Variants in CPLX3 observed in about 807,000 individuals in gnomAD.
The protein encoded by CPLX3 is complexin 3.
A neutral mutation model predicts 17.2 loss-of-function variants in CPLX3; 12 were observed. The observed-to-expected ratio is 0.70, with a 90% CI of 0.45 to 1.13. The LOEUF (loss-of-function observed/expected upper bound fraction) is 1.13, where lower values mean the gene tolerates loss of function less well. CPLX3 is among the 50% of genes most tolerant of loss of function. The probability of loss-of-function intolerance (pLI) is 0.00; values close to 1 mark genes in which losing one functional copy is unlikely to be tolerated. For synonymous variants in CPLX3, 75 were observed against 79.4 expected (o/e 0.94, Z 0.29); for missense variants, 172 against 203.2 (o/e 0.85, Z 0.93).
rs1248614581 is a variant in CPLX3 at position 74,830,456 on chromosome 15, C to T, written c.*102C>T. The stretch of plus-strand genomic sequence containing the variant: ...CCATTTGGGGCTTTGTTTCCCTTGC[C>T]CCATCCTAGTTCCAAGACCTTTCCC... On this transcript the variant is annotated 3_prime_UTR_variant, in exon 3 of 3. Coordinates refer to ENST00000395018, the MANE Select transcript of CPLX3 (RefSeq NM_001030005.3). The T allele has an allele frequency of 1.1e-4, 111 of 970,914 alleles. 1 individual carries two copies. Among genetic ancestry groups the T allele is most frequent in the Non-Finnish European group, 4.7e-6 (3 of 643,580 alleles). 60.1% of individuals were successfully genotyped at this position (970,914 alleles called of 1,614,324 possible).
rs1049344660 is a variant in CPLX3 at position 74,828,075 on chromosome 15, G to A, written c.206G>A (p.Arg69Gln). The change falls in exon 2 of 3, where the codon CGG becomes CAG. Residue 69 changes from arginine to glutamine, a missense_variant. Transcript: ENST00000395018. ...CAGTTCACACAGAGGAAGGCAGAGC[G>A]GGCCACACTGCGGAGCCACTTCCGA... The part of the protein sequence containing the change: ...DAQFTQRKAE[R>Q]ATLRSHFRDK... The A allele has an allele frequency of 5.6e-6, 9 of 1,607,386 alleles. No individual in the cohort carries two copies. The highest frequency in any genetic ancestry group is 2.7e-5 in the African/African-American group (2 of 74,778).
At position 74,830,965 on chromosome 15, in the gene CPLX3, A is replaced by G. The variant is rs2141121767; in HGVS notation, c.*611A>G. The G allele has an allele frequency of 6.5e-6, 1 of 152,898 alleles. No homozygotes were observed. The highest frequency in any genetic ancestry group is 1.9e-4 in the East Asian group (1 of 5,190). The allele number at this position is 152,898 out of a possible 1,614,324, so 9.5% of individuals were successfully genotyped here. On this transcript the variant is annotated 3_prime_UTR_variant, in exon 3 of 3. Transcript: ENST00000395018. ...AAGGCTCTTTCTGGCTTGAACTGTCAGAGCCAAGCCCACATCCCTCCTTGG... is the reference window on the plus strand; with the variant it reads ...AAGGCTCTTTCTGGCTTGAACTGTCGGAGCCAAGCCCACATCCCTCCTTGG...
At chr15:74,827,589 A>G (rs1363393064) in intron 1 of CPLX3, among the ~76,000 whole-genome samples, 2 of 152,226 alleles carry the variant, frequency 1.3e-5, no homozygotes, top group Non-Finnish European at 2.9e-5. Flanking sequence ...TCCTGATAAC[A>G]GTTTTGTGAG....
chr15:74,830,234 G>C lies in CPLX3; in HGVS notation c.357G>C (p.Lys119Asn), dbSNP rs749179855. 1 of 1,613,936 alleles carries C rather than the reference G, an allele frequency of 6.2e-7. No individual in the cohort carries two copies. The highest frequency in any genetic ancestry group is 1.3e-5 in the African/African-American group (1 of 75,018). The change falls in exon 3 of 3, where the codon AAG becomes AAC. Residue 119 changes from lysine (K) to asparagine (N), a missense_variant. Transcript: ENST00000395018. ...IEEDTEEEEE[K>N]ASVLGQLASL... is the part of the protein sequence containing the mutation. ...AGGACACAGAGGAGGAGGAGGAGAA[G>C]GCCTCAGTCCTTGGGCAGCTGGCCA... is the stretch of plus-strand genomic sequence containing the variant.
At position 74,829,987 on chromosome 15, in the gene CPLX3, C is replaced by T. The variant is rs1440391913; in HGVS notation, c.253-143C>T. 31 of 639,438 alleles carry T rather than the reference C, an allele frequency of 4.8e-5. No individual in the cohort carries two copies. The Admixed American group carries it at 7.5e-4, about 15-fold the overall frequency. The allele number at this position is 639,438 out of a possible 1,614,324, so 39.6% of individuals were successfully genotyped here. A position where few individuals can be genotyped will look rare whatever the true frequency, so the allele number is the denominator to read the frequency against. ...GACCAGCGTGGGCAACATAGGGAGACCTCGTCTCTACAAAAAAAAAAAAAA... is the reference window on the plus strand; with the variant it reads ...GACCAGCGTGGGCAACATAGGGAGATCTCGTCTCTACAAAAAAAAAAAAAA... On this transcript the variant is annotated intron_variant, in intron 2 of 2. Coordinates refer to ENST00000395018, the MANE Select transcript of CPLX3 (RefSeq NM_001030005.3).
intron 2 of CPLX3, 63 bp downstream of exon 2, chr15:74,828,184 G>A (rs1021479900): frequency 1.3e-5 from 18 of 1,350,606 alleles, no homozygotes; most frequent in African/African-American, 1.4e-5. Flanking sequence ...GGACTCCTTC[G>A]CCCCATTCTG....
rs1482049781 is a variant in CPLX3 at position 74,828,104 on chromosome 15, A to C, written c.235A>C (p.Lys79Gln). The C allele has an allele frequency of 2.5e-6, 4 of 1,598,022 alleles. No homozygotes were observed. Among genetic ancestry groups the C allele is most frequent in the Non-Finnish European group, 3.4e-6 (4 of 1,171,664 alleles). Reference protein sequence around the residue: ...RATLRSHFRDKYRLPKNETDE... With the variant: ...RATLRSHFRDQYRLPKNETDE... ...CACACTGCGGAGCCACTTCCGAGAC[A>C]AATACCGGCTACCCAAGGTAAGCTG... The change falls in exon 2 of 3, where the codon AAA becomes CAA. Residue 79 changes from lysine (K) to glutamine (Q), a missense_variant. Physicochemically the swap from Lys to Gln is moderately conservative, Grantham distance 53. Transcript: ENST00000395018.
rs2063962739 is a variant in CPLX3 at position 74,830,262 on chromosome 15, C to A, written c.385C>A (p.Leu129Ile). The change falls in exon 3 of 3, where the codon CTT becomes ATT. Residue 129 changes from leucine to isoleucine, a missense_variant. Transcript: ENST00000395018. The part of the protein sequence containing the change: ...KASVLGQLAS[L>I]PGLNLGSLKD... ...CTCAGTCCTTGGGCAGCTGGCCAGC[C>A]TTCCTGGCTTGAACCTGGGCTCACT... 2 of 1,614,002 alleles carry A rather than the reference C, an allele frequency of 1.2e-6. No homozygotes were observed. Among genetic ancestry groups the A allele is most frequent in the Non-Finnish European group, 1.7e-6 (2 of 1,180,042 alleles).
At chr15:74,827,086 G>A (rs541914407) in intron 1 of CPLX3, among the ~76,000 whole-genome samples, 44 of 152,292 alleles carry the variant, frequency 2.9e-4, no homozygotes, top group African/African-American at 9.4e-4. Flanking sequence ...GGGAGTGGGG[G>A]GAGGGGCGAC....
rs981696384 is a variant in CPLX3 at position 74,831,286 on chromosome 15, C to T, written c.*932C>T. ...TCCAGGAGTCTTGGAGTTCATAGCC[C>T]CCCGAGCCTGCCTTAAAGGGGTGTC... On this transcript the variant is annotated 3_prime_UTR_variant, in exon 3 of 3. Transcript: ENST00000395018. The T allele has an allele frequency of 6.6e-6, 1 of 152,302 alleles. No homozygotes were observed. The highest frequency in any genetic ancestry group is 1.5e-5 in the Non-Finnish European group (1 of 68,128). The allele number at this position is 152,302 out of a possible 1,614,324, so 9.4% of individuals were successfully genotyped here.
Position 74,828,017 on chromosome 15 carries a change from C to T in CPLX3, c.165-17C>T, listed in dbSNP as rs2063951201. On this transcript the variant is annotated splice_polypyrimidine_tract_variant and intron_variant, in intron 1 of 2. Coordinates refer to ENST00000395018, the MANE Select transcript of CPLX3 (RefSeq NM_001030005.3). ...CTCTCAGCCCTCGTGGTGACTCTGC[C>T]TCCGGTGACCCTGCAGGATGGAGCG... 6.3e-7 allele frequency: 1 copy of T among 1,591,368 alleles called. No individual in the cohort carries two copies. The highest frequency in any genetic ancestry group is 1.3e-5 in the African/African-American group (1 of 74,478).
Position 74,826,792 on chromosome 15 carries a change from A to G in CPLX3, c.89A>G (p.Asp30Gly). ...GGCGGCGAGGATAAGGGAGATGGGG[A>G]CAAGTCGGCAGCCGAAGCTCAGGGC... Reference protein sequence around the residue: ...LGGGEDKGDGDKSAAEAQGMS... With the variant: ...LGGGEDKGDGGKSAAEAQGMS... The change falls in exon 1 of 3, where the codon GAC becomes GGC. Residue 30 changes from aspartate to glycine, a missense_variant. Transcript: ENST00000395018. The surrounding 1 kb of genome is among the most constrained non-coding windows in gnomAD (Gnocchi z 5.0). 1 of 1,605,478 alleles carries G rather than the reference A, an allele frequency of 6.2e-7. No homozygotes were observed. The highest frequency in any genetic ancestry group is 8.5e-7 in the Non-Finnish European group (1 of 1,175,940).
rs2063967994 is a variant in CPLX3 at position 74,831,281 on chromosome 15, TA to T, written c.*928del. ...TGGCTTCCAGGAGTCTTGGAGTTCA[TA>T]GCCCCCCGAGCCTGCCTTAAAGGGG... On this transcript the variant is annotated 3_prime_UTR_variant, in exon 3 of 3. Coordinates refer to ENST00000395018, the MANE Select transcript of CPLX3 (RefSeq NM_001030005.3). 6.6e-6 allele frequency: 1 copy of T among 152,256 alleles called. No homozygotes were observed. Among genetic ancestry groups the T allele is most frequent in the Admixed American group, 6.5e-5 (1 of 15,282 alleles). The allele number at this position is 152,256 out of a possible 1,614,324, so 9.4% of individuals were successfully genotyped here. A position where few individuals can be genotyped will look rare whatever the true frequency, so the allele number is the denominator to read the frequency against.
Position 74,830,648 on chromosome 15 carries a change from C to A in CPLX3, c.*294C>A. The A allele has an allele frequency of 2.7e-6, 1 of 369,042 alleles. No individual in the cohort carries two copies. The allele number at this position is 369,042 out of a possible 1,614,324, so 22.9% of individuals were successfully genotyped here. A position where few individuals can be genotyped will look rare whatever the true frequency, so the allele number is the denominator to read the frequency against. On this transcript the variant is annotated 3_prime_UTR_variant, in exon 3 of 3. Transcript: ENST00000395018. ...CTGGCCATGGCCCCAAGTTCCTGCA[C>A]ACAGGAGCACCCACAGAGAGACACA...
chr15:74,828,835 T>C (rs1444860014), intron 2 of CPLX3, among the ~76,000 whole-genome samples: 1 of 151,912 alleles, frequency 6.6e-6, no homozygotes, highest in East Asian at 1.9e-4. Flanking sequence ...AGAGTATATC[T>C]CAGGAGATCC....
chr15:74,827,967 C>G, intron 1 of CPLX3, 67 bp from the exon 2 acceptor site: 1 of 1,329,058 alleles, frequency 7.5e-7, no homozygotes, highest in Admixed American at 2.0e-5. Context: ...CCTTCTGTCC[C>G]TCCCTCGAAG....
At position 74,826,847 on chromosome 15, in the gene CPLX3, G is replaced by A. The variant is rs199532260; in HGVS notation, c.144G>A (p.Gln48=). The A allele has an allele frequency of 4.7e-5, 76 of 1,601,380 alleles. No homozygotes were observed. In the Middle Eastern group the frequency reaches 1.2e-3, roughly 24 times the overall value. Residue 48 remains glutamine (Q), a synonymous_variant, in exon 1 of 3, where the codon CAG becomes CAA. Coordinates refer to ENST00000395018, the MANE Select transcript of CPLX3 (RefSeq NM_001030005.3). This position sits in a 1 kb window ranked among gnomAD's most constrained non-coding sequence, Gnocchi z 5.0. ...GCCGGGAGGAGTACGAGGAGTATCA[G>A]AAGCAACTCGTGGAAGAGAAGTGAG... ...GMSREEYEEY[Q]KQLVEEKMER... is the part of the protein sequence containing the mutation.
At chr15:74,828,856 G>C (rs1413966299) in intron 2 of CPLX3, among the ~76,000 whole-genome samples, 4 of 152,040 alleles carry the variant, frequency 2.6e-5, no homozygotes, top group Non-Finnish European at 5.9e-5. Context: ...CTGCCCCCAC[G>C]CTCCCCTGGG....
At chr15:74,827,151 T>A (rs2063947363) in intron 1 of CPLX3, among the ~76,000 whole-genome samples, 1 of 152,220 alleles carries the variant, frequency 6.6e-6, no homozygotes, top group Admixed American at 6.5e-5. Context: ...CGTGCGTTTC[T>A]GACGAAACGA....
Sources: gnomAD v4.1 joint callset for allele counts (sites outside exome capture counted in the v4.1 genomes callset) on GRCh38, gnomAD v4.1.1 for gene constraint, Gnocchi (gnomAD v3.1) non-coding constraint, MANE v1.5 for transcripts, NCBI Gene and HGNC (gene_info 2026-07-23, HGNC 2026-07-21) for gene names.